Variants in REXO2 observed in about 807,000 individuals in gnomAD.
REXO2 encodes the protein oligoribonuclease, mitochondrial.
A neutral mutation model predicts 30.9 loss-of-function variants in REXO2; 17 were observed. The observed-to-expected ratio is 0.55, with a 90% confidence interval of 0.38 to 0.82. The LOEUF (loss-of-function observed/expected upper bound fraction) is 0.82, where lower values mean the gene tolerates loss of function less well. Ranked by LOEUF, REXO2 falls within the 40% of genes least tolerant of loss-of-function variation. REXO2 has a pLI of 0.00. For missense variants in REXO2, 253 were observed against 293.2 expected (o/e 0.86, Z 1.00); for synonymous variants, 105 against 99.6 (o/e 1.05, Z -0.32).
chr11:114,445,967 G>T lies in REXO2; in HGVS notation c.422-12G>T. Reference sequence around the variant, plus strand: ...GAAATATAGAGATGCAGTATGCTTCGTGTCTTTCTAGGAAATTCAGTTCAT... The same window carrying T: ...GAAATATAGAGATGCAGTATGCTTCTTGTCTTTCTAGGAAATTCAGTTCAT... On this transcript the variant is annotated splice_polypyrimidine_tract_variant and intron_variant, in intron 4 of 6. Coordinates refer to ENST00000265881, the MANE Select transcript of REXO2 (RefSeq NM_015523.4). 2 of 1,410,562 alleles carry T rather than the reference G, an allele frequency of 1.4e-6. No homozygotes were observed. Among genetic ancestry groups the T allele is most frequent in the East Asian group, 2.3e-5 (1 of 43,756 alleles). The allele number at this position is 1,410,562 out of a possible 1,614,324, so 87.4% of individuals were successfully genotyped here.
rs1360815845 is a variant in REXO2 at position 114,439,541 on chromosome 11, T to A, written c.13T>A (p.Ser5Thr). The change falls in exon 1 of 7, where the codon TCC becomes ACC. Residue 5 changes from serine to threonine, a missense_variant. Physicochemically the swap from Ser to Thr is moderately conservative, Grantham distance 58 (BLOSUM62 1). Coordinates refer to ENST00000265881, the MANE Select transcript of REXO2 (RefSeq NM_015523.4). MLGGSLGSRLLRGVG... is the reference protein window; with the variant it reads MLGGTLGSRLLRGVG... ...CTGGTCCCGGGTGATGCTAGGCGGC[T>A]CCCTGGGCTCCAGGCTGTTGCGGGG... is the stretch of plus-strand genomic sequence containing the variant. The A allele has an allele frequency of 6.2e-7, 1 of 1,607,700 alleles. No homozygotes were observed. Among genetic ancestry groups the A allele is most frequent in the Non-Finnish European group, 8.5e-7 (1 of 1,179,454 alleles).
chr11:114,444,413 T>G, intron 3 of REXO2, 128 bp from the exon 4 acceptor site: 1 of 699,710 alleles, frequency 1.4e-6, no homozygotes. Context: ...AATTTGAACT[T>G]GAGCTCTAAA....
At chr11:114,447,778 T>C in intron 5 of REXO2, 48 bp from the exon 6 acceptor site, 1 of 1,488,736 alleles carries the variant, frequency 6.7e-7, no homozygotes, top group Non-Finnish European at 9.3e-7. Flanking sequence ...AATTGTTCAG[T>C]ATATTTGAGA....
At chr11:114,442,283 A>G (rs998289484) in intron 2 of REXO2, among the ~76,000 whole-genome samples, 1 of 152,094 alleles carries the variant, frequency 6.6e-6, no homozygotes, top group Admixed American at 6.6e-5. Context: ...ATTTTTCTGT[A>G]GGTGTGGTCC....
At chr11:114,444,708 A>G in intron 4 of REXO2, 56 bp downstream of exon 4, 1 of 1,147,106 alleles carries the variant, frequency 8.7e-7, no homozygotes, top group Non-Finnish European at 1.2e-6. Context: ...GGTTCAAGAG[A>G]CTGCAGTTCC....
rs753953764 is a variant in REXO2 at position 114,444,659 on chromosome 11, T to A, written c.421+7T>A. The A allele has an allele frequency of 6.5e-7, 1 of 1,547,704 alleles. No homozygotes were observed. Among genetic ancestry groups the A allele is most frequent in the Non-Finnish European group, 8.8e-7 (1 of 1,142,488 alleles). On this transcript the variant is annotated splice_region_variant and intron_variant, in intron 4 of 6. Transcript: ENST00000265881. ...GGGCTCTGTCCACTTGCAGGTAAAA[T>A]CCAATCCTGTGTATATCTTATAGTC... is the stretch of plus-strand genomic sequence containing the variant.
chr11:114,447,088 G>A (rs1045684635), intron 5 of REXO2, among the ~76,000 whole-genome samples: 5 of 152,048 alleles, frequency 3.3e-5, no homozygotes, highest in Admixed American at 1.3e-4. Flanking sequence ...ACAGGCGCCC[G>A]CCACTGCGCC....
At chr11:114,440,259 A>C in intron 1 of REXO2, 1 of 407,542 alleles carries the variant, frequency 2.5e-6, no homozygotes, top group East Asian at 7.0e-5. Context: ...GTTTATATGA[A>C]GTGAGGATAA....
At position 114,445,912 on chromosome 11, in the gene REXO2, T is replaced by A. The variant is rs74658740; in HGVS notation, c.422-67T>A. On this transcript the variant is annotated intron_variant, in intron 4 of 6. Transcript: ENST00000265881. ...TCATCTCCATTTCAAATACAACTTA[T>A]GAATTTTGATATCCTGTTGTATAAT... 1.5e-5 allele frequency: 13 copies of A among 851,928 alleles called. No individual in the cohort carries two copies. In the African/African-American group the frequency reaches 2.2e-4, roughly 15 times the overall value. 52.8% of individuals were successfully genotyped at this position (851,928 alleles called of 1,614,324 possible). A position where few individuals can be genotyped will look rare whatever the true frequency, so the allele number is the denominator to read the frequency against.
intron 1 of REXO2, 175 bp downstream of exon 1, chr11:114,439,850 G>C: frequency 1.4e-6 from 1 of 729,926 alleles, no homozygotes; most frequent in Non-Finnish European, 2.2e-6. Context: ...TGCGGGTGTT[G>C]GGCGCCGTGC....
chr11:114,441,722 CTT>C (rs889250204), intron 2 of REXO2: 3 of 702,032 alleles, frequency 4.3e-6, no homozygotes, highest in African/African-American at 3.5e-5. Flanking sequence ...GCAGTTAACA[CTT>C]TTGTTTGTTT....
chr11:114,443,273 A>ATT (rs368759864), intron 2 of REXO2, among the ~76,000 whole-genome samples: 5 of 138,546 alleles, frequency 3.6e-5, no homozygotes, highest in South Asian at 2.3e-4. Context: ...GGCCCACCTA[A>ATT]TTTTTTTTTT....
At position 114,449,901 on chromosome 11, in the gene REXO2, A is replaced by G; in HGVS notation, c.640A>G (p.Ile214Val). Residue 214 changes from isoleucine to valine, a missense_variant, in exon 7 of 7, where the codon ATC (isoleucine) becomes GTC (valine). Ile to Val is a conservative substitution (Grantham distance 29). Transcript: ENST00000265881. ...AGAGCTTCAGTTTTACCGAAATAAC[A>G]TCTTCAAGAAAAAAATAGATGAAAA... Reference protein sequence around the residue: ...IKELQFYRNNIFKKKIDEKKR... With the variant: ...IKELQFYRNNVFKKKIDEKKR... 3 of 1,609,838 alleles carry G rather than the reference A, an allele frequency of 1.9e-6. No homozygotes were observed. Among genetic ancestry groups the G allele is most frequent in the Non-Finnish European group, 2.5e-6 (3 of 1,178,074 alleles).
At chr11:114,441,875 T>A in intron 2 of REXO2, 1 of 642,824 alleles carries the variant, frequency 1.6e-6, no homozygotes, top group Non-Finnish European at 2.8e-6. Flanking sequence ...TTTTTTAACT[T>A]TGTATAAATA....
Position 114,439,636 on chromosome 11 carries a change from G to A in REXO2, c.108G>A (p.Gly36=). 1 of 1,597,004 alleles carries A rather than the reference G, an allele frequency of 6.3e-7. No homozygotes were observed. The highest frequency in any genetic ancestry group is 2.3e-5 in the East Asian group (1 of 44,286). Residue 36 remains glycine, a synonymous_variant, in exon 1 of 7, where the codon GGG becomes GGA. Transcript: ENST00000265881. ...VREGGAAMAA[G]ESMAQRMVWV... ...AAGGTGGCGCAGCCATGGCGGCAGG[G>A]GAGAGCATGGCTCAGCGGATGGTCT...
At position 114,447,908 on chromosome 11, in the gene REXO2, C is replaced by T. The variant is rs762898786; in HGVS notation, c.584+29C>T. 6 of 1,579,304 alleles carry T rather than the reference C, an allele frequency of 3.8e-6. No individual in the cohort carries two copies. In the African/African-American group the frequency reaches 8.1e-5, roughly 21 times the overall value. ...AGTTTGAGTTCTACCAAGCGTTTTC[C>T]AGTCTGACACACACTTAACTCCCAA... On this transcript the variant is annotated intron_variant, in intron 6 of 6. Transcript: ENST00000265881.
At position 114,449,764 on chromosome 11, in the gene REXO2, G is replaced by A. The variant is rs774900706; in HGVS notation, c.585-82G>A. The A allele has an allele frequency of 1.9e-4, 275 of 1,448,772 alleles. 2 individuals carry two copies. Among genetic ancestry groups the A allele is most frequent in the Non-Finnish European group, 1.8e-4 (188 of 1,071,932 alleles). 89.7% of individuals were successfully genotyped at this position (1,448,772 alleles called of 1,614,324 possible). Reference sequence around the variant, plus strand: ...CAGTAACATCCATTGTTCTTAAGTCGTTTTTTAAAAGTTGTACTTTTAAAA... The same window carrying A: ...CAGTAACATCCATTGTTCTTAAGTCATTTTTTAAAAGTTGTACTTTTAAAA... On this transcript the variant is annotated intron_variant, in intron 6 of 6. Coordinates refer to ENST00000265881, the MANE Select transcript of REXO2 (RefSeq NM_015523.4).
intron 2 of REXO2, 79 bp from the exon 3 acceptor site, chr11:114,443,777 A>C (rs1219971837): frequency 9.5e-7 from 1 of 1,048,384 alleles, no homozygotes; most frequent in African/African-American, 1.6e-5. Context: ...TTTAGTCCTT[A>C]AAACAGCTTA....
intron 2 of REXO2, among the ~76,000 whole-genome samples, chr11:114,443,268 A>G (rs930552722): frequency 2.0e-5 from 3 of 146,448 alleles, no homozygotes; most frequent in Non-Finnish European, 3.0e-5. Context: ...CACCAGGCCC[A>G]CCTAATTTTT....
Sources: allele counts gnomAD v4.1 joint callset (sites outside exome capture counted in the v4.1 genomes callset), GRCh38; gene constraint gnomAD v4.1.1; transcripts MANE v1.5; gene names NCBI Gene and HGNC (gene_info 2026-07-23, HGNC 2026-07-21).